CRB2: variants seen among roughly 807,000 people sequenced by gnomAD.
CRB2 encodes crumbs cell polarity complex component 2, also known as protein crumbs homolog 2.
Under a neutral mutation model 110.9 loss-of-function variants are expected in CRB2, and 85 were observed. The observed-to-expected ratio is 0.77, with a 90% CI of 0.64 to 0.92. The LOEUF is 0.92. Ranked by LOEUF, CRB2 falls within the 40% of genes least tolerant of loss-of-function variation. The probability of loss-of-function intolerance (pLI) is 0.00; values close to 1 mark genes in which losing one functional copy is unlikely to be tolerated. For missense variants in CRB2, 1,843 were observed against 1,851.3 expected (o/e 1.00, Z 0.08); for synonymous variants, 907 against 831.0 (o/e 1.09, Z -1.57).
intron 4 of CRB2, 50 bp from the exon 5 acceptor site, chr9:123,367,122 G>A: frequency 1.3e-6 from 2 of 1,509,142 alleles, no homozygotes; most frequent in Non-Finnish European, 1.8e-6. Flanking sequence ...GTGAAGAGGT[G>A]CTGCCCGGCA....
chr9:123,367,235 G>T lies in CRB2; in HGVS notation c.818G>T (p.Gly273Val). The change falls in exon 5 of 13, where the codon GGG (glycine) becomes GTG (valine). Residue 273 changes from glycine to valine, a missense_variant. Physicochemically the swap from Gly to Val is moderately radical, Grantham distance 109. Coordinates refer to ENST00000373631, the MANE Select transcript of CRB2 (RefSeq NM_173689.7). The part of the protein sequence containing the change: ...DECASSPCQH[G>V]GRCLQRSDPA... ...TGTGCATCGAGCCCCTGCCAGCATGGGGGCCGATGCCTGCAGCGCTCTGAC... is the reference window on the plus strand; with the variant it reads ...TGTGCATCGAGCCCCTGCCAGCATGTGGGCCGATGCCTGCAGCGCTCTGAC... 1 of 1,599,106 alleles carries T rather than the reference G, an allele frequency of 6.3e-7. No individual in the cohort carries two copies.
At chr9:123,361,400 C>T (rs1016309752) in intron 1 of CRB2, among the ~76,000 whole-genome samples, 2 of 152,202 alleles carry the variant, frequency 1.3e-5, no homozygotes, top group African/African-American at 4.8e-5. Flanking sequence ...AAACCTGTGC[C>T]CTTTCCTGGG....
Position 123,370,164 on chromosome 9 carries a change from G to A in CRB2, c.1111G>A (p.Gly371Arg), listed in dbSNP as rs757794643. The A allele has an allele frequency of 5.2e-5, 83 of 1,609,330 alleles. 1 individual carries two copies. In the Admixed American group the frequency reaches 9.0e-4, roughly 17 times the overall value. ...ECLSDPCLHG[G>R]TCSDTVAGYI... Reference sequence around the variant, plus strand: ...CCTGTCGGATCCCTGCCTGCACGGCGGAACCTGCAGTGACACTGTGGCAGG... The same window carrying A: ...CCTGTCGGATCCCTGCCTGCACGGCAGAACCTGCAGTGACACTGTGGCAGG... The change falls in exon 7 of 13, where the codon GGA becomes AGA. Residue 371 changes from glycine (G) to arginine (R), a missense_variant. Coordinates refer to ENST00000373631, the MANE Select transcript of CRB2 (RefSeq NM_173689.7).
In CRB2 at chr9:123,370,289, C is replaced by T. The variant is rs55641439; in HGVS notation, c.1236C>T (p.Ile412=). Residue 412 remains isoleucine, a synonymous_variant, in exon 7 of 13, where the codon ATC becomes ATT. Coordinates refer to ENST00000373631, the MANE Select transcript of CRB2 (RefSeq NM_173689.7). ...CCTGCCCGCTGGCTGCCACCTGCAT[C>T]CCTATCTTCGAGTCTGGGGTCCACA... ...GHTCPLAATC[I]PIFESGVHSY... 3.3e-3 allele frequency: 5,344 copies of T among 1,613,490 alleles called. 15 individuals carry two copies. The highest frequency in any genetic ancestry group is 0.01 in the Middle Eastern group (62 of 6,062).
At chr9:123,370,037 T>C in intron 6 of CRB2, 71 bp from the exon 7 acceptor site, 1 of 1,499,100 alleles carries the variant, frequency 6.7e-7, no homozygotes. Flanking sequence ...ATAAGAGGCA[T>C]GTAAGTTCTG....
intron 12 of CRB2, among the ~76,000 whole-genome samples, chr9:123,376,610 C>T (rs566329270): frequency 1.3e-5 from 2 of 152,300 alleles, no homozygotes; most frequent in South Asian, 4.1e-4. Context: ...GTCCTTCTAG[C>T]CAGAACTCCT....
rs1264088282 is a variant in CRB2 at position 123,376,887 on chromosome 9, C to A, written c.3683C>A (p.Pro1228His). Residue 1228 changes from proline (P) to histidine (H), a missense_variant, in exon 13 of 13, where the codon CCT becomes CAT. Physicochemically the swap from Pro to His is moderately conservative, Grantham distance 77. Transcript: ENST00000373631. ...LPFPLLEVAV[P>H]AACACLLLLL... Reference sequence around the variant, plus strand: ...TTCCCACTGCTGGAGGTGGCCGTACCTGCAGCCTGTGCCTGCCTCCTCCTC... The same window carrying A: ...TTCCCACTGCTGGAGGTGGCCGTACATGCAGCCTGTGCCTGCCTCCTCCTC... 1 of 1,610,230 alleles carries A rather than the reference C, an allele frequency of 6.2e-7. No individual in the cohort carries two copies.
chr9:123,371,075 C>T lies in CRB2; in HGVS notation c.1933C>T (p.Pro645Ser). ...HRGPTCADEI[P>S]AATFGLGGAP... ...GGCACCTTCTCTCCCTGCAGAGATT[C>T]CTGCTGCCACCTTTGGCTTGGGAGG... The change falls in exon 8 of 13, where the codon CCT becomes TCT. Residue 645 changes from proline to serine, a missense_variant. Pro to Ser is a moderately conservative substitution (Grantham distance 74). Transcript: ENST00000373631. The T allele has an allele frequency of 6.2e-7, 1 of 1,611,746 alleles. No individual in the cohort carries two copies. The highest frequency in any genetic ancestry group is 1.1e-5 in the South Asian group (1 of 90,854).
chr9:123,371,543 C>A lies in CRB2; in HGVS notation c.2401C>A (p.Leu801Ile). The A allele has an allele frequency of 6.2e-7, 1 of 1,613,156 alleles. No homozygotes were observed. Among genetic ancestry groups the A allele is most frequent in the Non-Finnish European group, 8.5e-7 (1 of 1,180,038 alleles). Reference sequence around the variant, plus strand: ...GCTCGGCGGCAGGCAGTCCTGGAACCTCACTGCGGGCTGCGTCTCCGAGGA... The same window carrying A: ...GCTCGGCGGCAGGCAGTCCTGGAACATCACTGCGGGCTGCGTCTCCGAGGA... Reference protein sequence around the residue: ...SELGGRQSWNLTAGCVSEDMC... With the variant: ...SELGGRQSWNITAGCVSEDMC... Residue 801 changes from leucine (L) to isoleucine (I), a missense_variant, in exon 8 of 13, where the codon CTC becomes ATC. Transcript: ENST00000373631.
At position 123,359,430 on chromosome 9, in the gene CRB2, GTTTTTGTTTTGTTTTTT is replaced by G. The variant is rs1346338690; in HGVS notation, c.94+3082_94+3098del. Among the ~76,000 whole-genome samples, 69 of 98,022 alleles carry G rather than the reference GTTTTTGTTTTGTTTTTT, an allele frequency of 7.0e-4. 2 individuals carry two copies. Among genetic ancestry groups the G allele is most frequent in the African/African-American group, 2.1e-3 (45 of 21,032 alleles). 64.3% of individuals were successfully genotyped at this position (98,022 alleles called of 152,430 possible). The stretch of plus-strand genomic sequence containing the variant: ...CTTCTTTTTTTGTTTGTGGTTTTTC[GTTTTTGTTTTGTTTTTT>G]TTTTTTTTTTTTTTTTTTTAAGAAA... On this transcript the variant is annotated intron_variant, in intron 1 of 12. Transcript: ENST00000373631.
intron 2 of CRB2, among the ~76,000 whole-genome samples, chr9:123,365,072 G>T (rs1453151501): frequency 6.6e-6 from 1 of 152,232 alleles, no homozygotes; most frequent in Middle Eastern, 3.4e-3. Flanking sequence ...GACCAACCTG[G>T]CCAACATGGT....
At position 123,373,475 on chromosome 9, in the gene CRB2, A is replaced by G; in HGVS notation, c.2944A>G (p.Thr982Ala). 6.9e-7 allele frequency: 1 copy of G among 1,451,144 alleles called. No individual in the cohort carries two copies. The highest frequency in any genetic ancestry group is 9.0e-7 in the Non-Finnish European group (1 of 1,110,528). The allele number at this position is 1,451,144 out of a possible 1,614,324, so 89.9% of individuals were successfully genotyped here. A position where few individuals can be genotyped will look rare whatever the true frequency, so the allele number is the denominator to read the frequency against. The change falls in exon 10 of 13, where the codon ACC becomes GCC. Residue 982 changes from threonine to alanine, a missense_variant. Physicochemically the swap from Thr to Ala is moderately conservative, Grantham distance 58. Transcript: ENST00000373631. ...GCTGCTGTGGCTGGATGGTGCCGCC[A>G]CCCCGGTGGCGCTGCGCGGCCTGGC... Reference protein sequence around the residue: ...RWLLWLDGAATPVALRGLASD... With the variant: ...RWLLWLDGAAAPVALRGLASD...
At chr9:123,361,856 C>A (rs1455447307) in intron 1 of CRB2, among the ~76,000 whole-genome samples, 5 of 152,198 alleles carry the variant, frequency 3.3e-5, no homozygotes, top group Admixed American at 6.5e-5. Flanking sequence ...GTCTGTTTCA[C>A]TTCAAAGCTC....
In CRB2 at chr9:123,373,761, C is replaced by G; in HGVS notation, c.3230C>G (p.Ala1077Gly). 1 of 1,590,716 alleles carries G rather than the reference C, an allele frequency of 6.3e-7. No individual in the cohort carries two copies. The highest frequency in any genetic ancestry group is 1.4e-5 in the African/African-American group (1 of 73,608). ...HDGACRDLFD[A>G]FACACGPGWE... ...GGTGCCTGCCGTGACCTCTTCGACG[C>G]CTTTGCCTGCGCCTGCGGCCCGGGG... Residue 1077 changes from alanine (A) to glycine (G), a missense_variant, in exon 10 of 13, where the codon GCC (alanine) becomes GGC (glycine). Ala to Gly is a moderately conservative substitution (Grantham distance 60, BLOSUM62 0). Transcript: ENST00000373631.
intron 3 of CRB2, 52 bp from the exon 4 acceptor site, chr9:123,366,175 C>A: frequency 7.3e-7 from 1 of 1,379,182 alleles, no homozygotes; most frequent in Non-Finnish European, 9.3e-7. Flanking sequence ...AGGCCAGGCG[C>A]GGGGCAGAAG....
In CRB2 at chr9:123,356,239, G is replaced by A. The variant is rs2041795863; in HGVS notation, c.-22G>A. On this transcript the variant is annotated 5_prime_UTR_variant, in exon 1 of 13. Coordinates refer to ENST00000373631, the MANE Select transcript of CRB2 (RefSeq NM_173689.7). ...GCCCTCCCGTTCTCACAGCAGCCGA[G>A]CAGAGCGCAGAGCGGGCTGCCATGG... 1 of 146,174 alleles carries A rather than the reference G, an allele frequency of 6.8e-6. No individual in the cohort carries two copies. The highest frequency in any genetic ancestry group is 9.0e-6 in the Non-Finnish European group (1 of 111,074). 9.1% of individuals were successfully genotyped at this position (146,174 alleles called of 1,614,324 possible). A position where few individuals can be genotyped will look rare whatever the true frequency, so the allele number is the denominator to read the frequency against.
rs1169794593 is a variant in CRB2, at chr9:123,377,763, C to G, written c.*701C>G. 1.3e-5 allele frequency: 2 copies of G among 152,310 alleles called. No individual in the cohort carries two copies. 9.4% of individuals were successfully genotyped at this position (152,310 alleles called of 1,614,324 possible). A position where few individuals can be genotyped will look rare whatever the true frequency, so the allele number is the denominator to read the frequency against. On this transcript the variant is annotated 3_prime_UTR_variant, in exon 13 of 13. Transcript: ENST00000373631. Reference sequence around the variant, plus strand: ...CAGAGCCAGTCATGCGAGGGAACCACAGACCCACCCGCCCCCTCAGCCGGA... The same window carrying G: ...CAGAGCCAGTCATGCGAGGGAACCAGAGACCCACCCGCCCCCTCAGCCGGA...
Position 123,373,372 on chromosome 9 carries a change from G to T in CRB2, c.2841G>T (p.Pro947=). 7.0e-7 allele frequency: 1 copy of T among 1,432,006 alleles called. No homozygotes were observed. Among genetic ancestry groups the T allele is most frequent in the Non-Finnish European group, 9.1e-7 (1 of 1,099,486 alleles). 88.7% of individuals were successfully genotyped at this position (1,432,006 alleles called of 1,614,324 possible). ...TGCCCGGCGCTGTGCTGCCCATACC[G>T]GGGCCGCGCGTGGCCGATGGTGCCT... ...HGLPGAVLPI[P]GPRVADGAWH... is the part of the protein sequence containing the mutation. Residue 947 remains proline (P), a synonymous_variant, in exon 10 of 13, where the codon CCG becomes CCT. Transcript: ENST00000373631.
chr9:123,370,559 C>T lies in CRB2; in HGVS notation c.1506C>T (p.Thr502=), dbSNP rs201551587. 6.2e-6 allele frequency: 10 copies of T among 1,613,546 alleles called. No individual in the cohort carries two copies. In the Admixed American group the frequency reaches 1.3e-4, roughly 22 times the overall value. Residue 502 remains threonine, a synonymous_variant, in exon 7 of 13, where the codon ACC becomes ACT. Coordinates refer to ENST00000373631, the MANE Select transcript of CRB2 (RefSeq NM_173689.7). ...TLQATLWSYS[T]TVLVLRLPDL... Reference sequence around the variant, plus strand: ...AGGCCACACTCTGGAGCTACAGCACCACTGTGCTTGTCCTGAGACTGCCGG... The same window carrying T: ...AGGCCACACTCTGGAGCTACAGCACTACTGTGCTTGTCCTGAGACTGCCGG...
Sources: gnomAD v4.1 joint callset for allele counts (sites outside exome capture counted in the v4.1 genomes callset) on GRCh38, gnomAD v4.1.1 for gene constraint, MANE v1.5 for transcripts, NCBI Gene and HGNC (gene_info 2026-07-23, HGNC 2026-07-21) for gene names.